RAVER2: variants seen among roughly 807,000 people sequenced by gnomAD.
The protein encoded by RAVER2 is ribonucleoprotein, PTB binding 2, also known as ribonucleoprotein PTB-binding 2.
RAVER2 carries 46 observed loss-of-function variants against 78.1 expected under a neutral mutation model. That is an observed-to-expected ratio of 0.59 (90% CI 0.46 to 0.75). RAVER2 has a LOEUF of 0.75. Among genes scored for constraint, RAVER2 ranks in the 30% least tolerant of loss-of-function variants. RAVER2 has a pLI of 0.00. For synonymous variants in RAVER2, 311 were observed against 313.3 expected (o/e 0.99, Z 0.08); for missense variants, 793 against 837.5 (o/e 0.95, Z 0.66).
rs1400765060 is a variant in RAVER2 at position 64,745,174 on chromosome 1, T to TGGCGGCGGCGGCGGGAGAC, written c.13_31dup (p.Glu11?). 3.9e-6 allele frequency: 4 copies of TGGCGGCGGCGGCGGGAGAC among 1,015,912 alleles called. No homozygotes were observed. The highest frequency in any genetic ancestry group is 1.7e-5 in the African/African-American group (1 of 57,346). 62.9% of individuals were successfully genotyped at this position (1,015,912 alleles called of 1,614,324 possible). Reference sequence around the variant, plus strand: ...CGCAGCCGCTGGGCGCCCGGGAAGATGGCGGCGGCGGCGGGAGACGGCGGC... The same window carrying TGGCGGCGGCGGCGGGAGAC: ...CGCAGCCGCTGGGCGCCCGGGAAGATGGCGGCGGCGGCGGGAGACGGCGGCGGCGGCGGGAGACGGCGGC... On this transcript the variant is annotated frameshift_variant and start_lost, in exon 1 of 12. Coordinates refer to ENST00000294428, the Ensembl canonical transcript of RAVER2. LOFTEE classifies it high-confidence loss of function. This position sits in a 1 kb window ranked among gnomAD's most constrained non-coding sequence, Gnocchi z 4.3.
chr1:64,781,178 A>C (rs3790527), intron 3 of RAVER2, among the ~76,000 whole-genome samples: 14,865 of 152,254 alleles, frequency 0.098, 1,049 homozygotes, highest in East Asian at 0.28. Flanking sequence ...ATTGAATAGA[A>C]ACTTGACAGA....
At chr1:64,776,268 G>C (rs1162664749) in intron 2 of RAVER2, among the ~76,000 whole-genome samples, 1 of 152,174 alleles carries the variant, frequency 6.6e-6, no homozygotes, top group Non-Finnish European at 1.5e-5. Flanking sequence ...TAGAAACTAA[G>C]AGATAGCCTT....
intron 4 of RAVER2, among the ~76,000 whole-genome samples, chr1:64,785,665 G>A (rs146800512): frequency 0.017 from 2,561 of 152,006 alleles, 97 homozygotes; most frequent in Admixed American, 0.11. Flanking sequence ...CACCATGCCC[G>A]GCCAATTGTC....
chr1:64,818,478 G>T (rs1407491213), intron 11 of RAVER2, among the ~76,000 whole-genome samples: 2 of 152,194 alleles, frequency 1.3e-5, no homozygotes, highest in African/African-American at 4.8e-5. Flanking sequence ...GGAGGTTGCA[G>T]TGAGCCGAGA....
intron 1 of RAVER2, among the ~76,000 whole-genome samples, chr1:64,748,800 T>C (rs999522054): frequency 6.6e-6 from 1 of 152,206 alleles, no homozygotes; most frequent in African/African-American, 2.4e-5. Flanking sequence ...TTTTTGTGTG[T>C]TGGCCCCTGC....
At chr1:64,764,676 T>C (rs1295306285) in intron 1 of RAVER2, among the ~76,000 whole-genome samples, 1 of 152,170 alleles carries the variant, frequency 6.6e-6, no homozygotes, top group African/African-American at 2.4e-5. Context: ...ATCCAGAATA[T>C]ATTATTTTAA....
intron 11 of RAVER2, among the ~76,000 whole-genome samples, chr1:64,827,642 G>A (rs1325657756): frequency 6.6e-6 from 1 of 152,186 alleles, no homozygotes; most frequent in African/African-American, 2.4e-5. Context: ...AAGCATAAAT[G>A]CTCATCAAAA....
intron 5 of RAVER2, among the ~76,000 whole-genome samples, chr1:64,797,759 CTATCTA>C (rs1480207891): frequency 9.2e-5 from 14 of 152,012 alleles, no homozygotes; most frequent in Non-Finnish European, 1.3e-4. Flanking sequence ...ATCACCGTAT[CTATCTA>C]TATCTATATG....
intron 1 of RAVER2, among the ~76,000 whole-genome samples, chr1:64,751,764 A>T (rs888043849): frequency 8.6e-5 from 13 of 151,842 alleles, no homozygotes; most frequent in Non-Finnish European, 1.5e-5. Flanking sequence ...TTGTAAATTT[A>T]TTTTTAATTT....
chr1:64,766,069 C>T (rs1652166420), intron 1 of RAVER2, among the ~76,000 whole-genome samples: 1 of 152,142 alleles, frequency 6.6e-6, no homozygotes, highest in South Asian at 2.1e-4. Context: ...TTGATCGTCT[C>T]TCCAGAAAGC....
intron 1 of RAVER2, among the ~76,000 whole-genome samples, chr1:64,755,224 A>C (rs1287013885): frequency 1.3e-5 from 2 of 152,228 alleles, no homozygotes; most frequent in Non-Finnish European, 2.9e-5. Flanking sequence ...CTGATTTCTT[A>C]GTAAGAAAAT....
chr1:64,746,006 C>G (rs1651526316), intron 1 of RAVER2, among the ~76,000 whole-genome samples: 1 of 152,212 alleles, frequency 6.6e-6, no homozygotes, highest in Non-Finnish European at 1.5e-5. Flanking sequence ...CTCCTTGGAG[C>G]CTTGCAGCCG....
chr1:64,763,953 C>CACA (rs1057495526), intron 1 of RAVER2, among the ~76,000 whole-genome samples: 16 of 151,110 alleles, frequency 1.1e-4, no homozygotes, highest in African/African-American at 3.9e-4. Flanking sequence ...CACACACACA[C>CACA]ACCCCTACCA....
At chr1:64,804,560 T>C (rs911583701) in intron 6 of RAVER2, among the ~76,000 whole-genome samples, 174 bp from the exon 7 acceptor site, 1 of 152,198 alleles carries the variant, frequency 6.6e-6, no homozygotes, top group Non-Finnish European at 1.5e-5. Flanking sequence ...TGGCCCCCTC[T>C]TGTGTATTAT....
At chr1:64,759,281 G>C (rs909350739) in intron 1 of RAVER2, among the ~76,000 whole-genome samples, 1 of 151,632 alleles carries the variant, frequency 6.6e-6, no homozygotes, top group African/African-American at 2.4e-5. Flanking sequence ...GTGCAGTGGC[G>C]CGATCTTGGC....
chr1:64,805,047 A>G, exon 8 of RAVER2: 1 of 1,614,068 alleles, frequency 6.2e-7, no homozygotes, highest in East Asian at 2.2e-5. Flanking sequence ...CACTAGGGAT[A>G]GGGTCAGTGC....
intron 11 of RAVER2, among the ~76,000 whole-genome samples, chr1:64,817,604 G>A (rs1262117943): frequency 6.6e-6 from 1 of 152,042 alleles, no homozygotes; most frequent in Non-Finnish European, 1.5e-5. Context: ...TCCTTTATAG[G>A]GACATGGACG....
At chr1:64,830,743 T>G (rs1300934660) in intron 11 of RAVER2, 96 bp from the exon 12 acceptor site, 1 of 1,158,712 alleles carries the variant, frequency 8.6e-7, no homozygotes, top group Non-Finnish European at 1.2e-6. Flanking sequence ...TATTCTATAT[T>G]CACCAAGTCA....
At chr1:64,811,900 C>G (rs1653618398) in intron 9 of RAVER2, among the ~76,000 whole-genome samples, 1 of 152,158 alleles carries the variant, frequency 6.6e-6, no homozygotes, top group South Asian at 2.1e-4. Context: ...TACTGATATA[C>G]ATTTTCAAGA....
Sources: allele counts gnomAD v4.1 joint callset (sites outside exome capture counted in the v4.1 genomes callset), GRCh38; gene constraint gnomAD v4.1.1; non-coding constraint Gnocchi (gnomAD v3.1); transcripts MANE v1.5; gene names NCBI Gene and HGNC (gene_info 2026-07-23, HGNC 2026-07-21).